Variants in EBF1 observed in about 807,000 individuals in gnomAD.
The protein encoded by EBF1 is EBF transcription factor 1, also known as transcription factor COE1.
A neutral mutation model predicts 68.4 loss-of-function variants in EBF1; 10 were observed. The observed-to-expected ratio is 0.15, with a 90% CI of 0.09 to 0.25. The LOEUF (loss-of-function observed/expected upper bound fraction) is 0.25. EBF1 is among the 10% of genes least tolerant of loss of function. The pLI, the probability that EBF1 is intolerant of heterozygous loss-of-function variation, is 1.00. For synonymous variants in EBF1, 298 were observed against 299.8 expected, an observed-to-expected ratio of 0.99 and a Z score of 0.06; for missense variants, 509 against 794.4, an observed-to-expected ratio of 0.64 and a Z score of 4.32.
chr5:158,785,416 T>A (rs1037922218), intron 9 of EBF1, among the ~76,000 whole-genome samples: 1 of 152,202 alleles, frequency 6.6e-6, no homozygotes, highest in South Asian at 2.1e-4. Context: ...TTCCCTGAAG[T>A]GGCTACCACA....
In EBF1 at chr5:158,697,746, C is replaced by CA. The variant is rs747902095; in HGVS notation, c.*1364dup. On this transcript the variant is annotated 3_prime_UTR_variant, in exon 16 of 16. Coordinates refer to ENST00000313708, the MANE Select transcript of EBF1 (RefSeq NM_024007.5). ...TGTATAAATAGAACAACAACTTTGG[C>CA]AAAAAATCACAAAAAAAAAATCTAC... The CA allele has an allele frequency of 9.9e-4, 200 of 201,348 alleles. No individual in the cohort carries two copies. The highest frequency in any genetic ancestry group is 1.7e-3 in the Middle Eastern group (1 of 600). 12.5% of individuals were successfully genotyped at this position (201,348 alleles called of 1,614,324 possible).
intron 6 of EBF1, among the ~76,000 whole-genome samples, chr5:159,025,615 C>T (rs1193338011): frequency 6.6e-6 from 1 of 152,222 alleles, no homozygotes; most frequent in African/African-American, 2.4e-5. Flanking sequence ...GCAACATTCA[C>T]TCTGAGAACC....
chr5:158,704,048 A>C (rs1388395909), intron 15 of EBF1, among the ~76,000 whole-genome samples: 1 of 152,246 alleles, frequency 6.6e-6, no homozygotes, highest in Non-Finnish European at 1.5e-5. Context: ...AACATAGTCC[A>C]GTCAATCTGT....
intron 6 of EBF1, among the ~76,000 whole-genome samples, chr5:159,042,123 G>T (rs762264599): frequency 3.9e-5 from 6 of 152,076 alleles, no homozygotes; most frequent in Non-Finnish European, 5.9e-5. Flanking sequence ...TGCTGTCGGC[G>T]CCAACCCATC....
intron 6 of EBF1, among the ~76,000 whole-genome samples, chr5:158,923,511 A>G (rs1808900811): frequency 6.6e-6 from 1 of 152,192 alleles, no homozygotes; most frequent in Non-Finnish European, 1.5e-5. Context: ...TTATTACAAA[A>G]CAGGAAATTT....
intron 10 of EBF1, among the ~76,000 whole-genome samples, chr5:158,761,701 A>C (rs912579867): frequency 2.0e-5 from 3 of 152,252 alleles, no homozygotes; most frequent in Non-Finnish European, 4.4e-5. Context: ...TAGAGATTTC[A>C]TTAAAGAAAT....
At chr5:159,007,644 A>G (rs932214473) in intron 6 of EBF1, among the ~76,000 whole-genome samples, 1 of 152,228 alleles carries the variant, frequency 6.6e-6, no homozygotes, top group Non-Finnish European at 1.5e-5. Flanking sequence ...TCCATGAATG[A>G]CCAAGTAGCC....
intron 4 of EBF1, among the ~76,000 whole-genome samples, chr5:159,094,542 G>A (rs1487902783): frequency 6.6e-6 from 1 of 151,624 alleles, no homozygotes; most frequent in African/African-American, 2.4e-5. Flanking sequence ...TTTAAGCCGT[G>A]GTGTATCTAA....
At chr5:158,856,529 T>C (rs1794042108) in intron 6 of EBF1, among the ~76,000 whole-genome samples, 1 of 152,222 alleles carries the variant, frequency 6.6e-6, no homozygotes, top group Non-Finnish European at 1.5e-5. Flanking sequence ...TTGATTCTTT[T>C]AGAAGGAAAG....
intron 15 of EBF1, among the ~76,000 whole-genome samples, chr5:158,702,743 CAAAAAAAAAAAAAAA>C (rs58496050): frequency 1.9e-4 from 8 of 41,618 alleles, no homozygotes; most frequent in South Asian, 1.7e-3. Context: ...GACTCCTTCT[CAAAAAAAAAAAAAAA>C]AAAAAAAAAA....
intron 6 of EBF1, among the ~76,000 whole-genome samples, chr5:158,858,206 T>A (rs779530972): frequency 3.3e-5 from 5 of 152,198 alleles, no homozygotes; most frequent in Admixed American, 2.0e-4. Flanking sequence ...AATATGACAC[T>A]GGCATTTCAC....
chr5:158,711,366 C>T (rs1759237713), intron 14 of EBF1, among the ~76,000 whole-genome samples: 1 of 152,170 alleles, frequency 6.6e-6, no homozygotes, highest in Admixed American at 6.5e-5. Context: ...ACCACCACCA[C>T]CACGTTATTA....
At chr5:158,769,091 G>C (rs1196200145) in intron 10 of EBF1, among the ~76,000 whole-genome samples, 3 of 152,146 alleles carry the variant, frequency 2.0e-5, no homozygotes, top group African/African-American at 4.8e-5. Context: ...AAAGCCATGT[G>C]ACAAATAGTT....
intron 6 of EBF1, among the ~76,000 whole-genome samples, chr5:159,045,487 T>C (rs1157514471): frequency 2.0e-5 from 3 of 152,094 alleles, no homozygotes; most frequent in Non-Finnish European, 4.4e-5. Flanking sequence ...TACAATTCAT[T>C]GCATTAAAAA....
Position 158,950,351 on chromosome 5 carries a change from C to T in EBF1, c.555-110241G>A, listed in dbSNP as rs78720831. ...TCAGTAGCCGATGAAGAATAGTAAC[C>T]TGTTCTTCACACTGCCATTTATTTC... On this transcript the variant is annotated intron_variant, in intron 6 of 15. Transcript: ENST00000313708. Among the ~76,000 whole-genome samples, 358 of 152,290 alleles carry T rather than the reference C, an allele frequency of 2.4e-3. 2 individuals carry two copies. Among genetic ancestry groups the T allele is most frequent in the African/African-American group, 8.2e-3 (339 of 41,550 alleles).
At chr5:158,831,504 G>C (rs890295319) in intron 7 of EBF1, among the ~76,000 whole-genome samples, 2 of 152,128 alleles carry the variant, frequency 1.3e-5, no homozygotes, top group Admixed American at 1.3e-4. Context: ...GACAGAGAGA[G>C]AGTCAGACAA....
At chr5:158,724,252 A>G (rs1463465460) in intron 11 of EBF1, among the ~76,000 whole-genome samples, 5 of 152,154 alleles carry the variant, frequency 3.3e-5, no homozygotes, top group African/African-American at 1.2e-4. Context: ...TTTTCGTCTG[A>G]GGAGGGTCAC....
chr5:158,881,097 C>A (rs562786053), intron 6 of EBF1, among the ~76,000 whole-genome samples: 36 of 152,250 alleles, frequency 2.4e-4, no homozygotes, highest in Admixed American at 3.9e-4. Flanking sequence ...ACTCTGGGGC[C>A]TGAGGACAGA....
chr5:158,839,963 G>T, intron 7 of EBF1, 66 bp downstream of exon 7: 1 of 1,512,540 alleles, frequency 6.6e-7, no homozygotes, highest in South Asian at 1.1e-5. Flanking sequence ...TTCTGCCTAA[G>T]ACTTTTTTAT....
Sources: gnomAD v4.1 joint callset for allele counts (sites outside exome capture counted in the v4.1 genomes callset) on GRCh38, gnomAD v4.1.1 for gene constraint, MANE v1.5 for transcripts, NCBI Gene and HGNC (gene_info 2026-07-23, HGNC 2026-07-21) for gene names.